The following PIN4 variants were observed in gnomAD, a reference collection of about 807,000 sequenced individuals.
PIN4 encodes peptidylprolyl cis/trans isomerase, NIMA-interacting 4, also known as peptidyl-prolyl cis-trans isomerase NIMA-interacting 4.
In PIN4, 3 loss-of-function variants were observed where a neutral mutation model predicts 8.3. The ratio of observed to expected loss-of-function variants is 0.36; its 90% confidence interval spans 0.16 to 0.93. The LOEUF is 0.93. PIN4 is among the 40% of genes least tolerant of loss of function. The pLI, the probability that PIN4 is intolerant of heterozygous loss-of-function variation, is 0.44. For missense variants in PIN4, 75 were observed against 100.6 expected, an observed-to-expected ratio of 0.75 and a Z score of 1.09; for synonymous variants, 18 against 32.5, an observed-to-expected ratio of 0.55 and a Z score of 1.52.
intron 3 of PIN4, chrX:72,238,947 G>A (rs1207888159): frequency 3.5e-6 from 4 of 1,132,217 alleles, no homozygotes; most frequent in African/African-American, 1.8e-5. Flanking sequence ...CCCGGCGGGA[G>A]TTTGGAGCTT....
intron 3 of PIN4, chrX:72,206,856 T>C (rs2042823602): frequency 8.3e-7 from 1 of 1,210,225 alleles, no homozygotes; most frequent in Non-Finnish European, 1.1e-6. Context: ...GCAGCTGGGT[T>C]ACAGAGTTCT....
intron 3 of PIN4, among the ~76,000 whole-genome samples, chrX:72,225,584 A>G (rs1326076312): frequency 8.9e-6 from 1 of 112,298 alleles, no homozygotes; most frequent in Non-Finnish European, 1.9e-5. Flanking sequence ...TTCCTAAAAC[A>G]AAAAGGGACT....
At chrX:72,194,205 G>A (rs939899762) in intron 2 of PIN4, among the ~76,000 whole-genome samples, 4 of 110,685 alleles carry the variant, frequency 3.6e-5, no homozygotes, top group Non-Finnish European at 5.7e-5. Context: ...TTCGAGACCA[G>A]CCTGATCAAC....
chrX:72,220,256 T>C (rs2042915334), intron 3 of PIN4, among the ~76,000 whole-genome samples: 1 of 111,196 alleles, frequency 9.0e-6, no homozygotes, highest in Non-Finnish European at 1.9e-5. Flanking sequence ...AAAAATGTAA[T>C]AATCATCAAA....
chrX:72,259,724 C>CTTTTT (rs761255706), intron 3 of PIN4, among the ~76,000 whole-genome samples: 7 of 69,053 alleles, frequency 1.0e-4, no homozygotes, highest in African/African-American at 1.8e-4. Flanking sequence ...AGGCCATATC[C>CTTTTT]TTTTTTTTTT....
intron 3 of PIN4, among the ~76,000 whole-genome samples, chrX:72,255,196 GGA>G (rs2043105034): frequency 9.2e-6 from 1 of 108,499 alleles, no homozygotes; most frequent in Admixed American, 9.9e-5. Flanking sequence ...CTTGAGCCCA[GGA>G]GGTCGAGGCT....
intron 1 of PIN4, 46 bp downstream of exon 1, chrX:72,181,874 C>A: frequency 1.3e-6 from 1 of 771,749 alleles, no homozygotes; most frequent in Non-Finnish European, 2.0e-6. Context: ...GGGTGAGGAG[C>A]GAAGGGAGGG....
At chrX:72,182,024 G>A in intron 1 of PIN4, 196 bp downstream of exon 1, 1 of 444,882 alleles carries the variant, frequency 2.2e-6, no homozygotes, top group Non-Finnish European at 4.1e-6. Context: ...AATCTGATGG[G>A]GATAGTTCCT....
In PIN4 at chrX:72,248,397, T is replaced by C. The variant is rs191775886; in HGVS notation, c.313-14310T>C. 1.9e-3 allele frequency among the ~76,000 whole-genome samples: 200 copies of C among 103,681 alleles called. 4 individuals are homozygous for C. Among genetic ancestry groups the C allele is most frequent in the African/African-American group, 6.4e-3 (185 of 28,925 alleles). 90.0% of individuals were successfully genotyped at this position (103,681 alleles called of 115,157 possible). A position where few individuals can be genotyped will look rare whatever the true frequency, so the allele number is the denominator to read the frequency against. ...TGTAGAAATGGGTCAGGCACTAAGGTCAGGTTTTACATGTGGAAAATCTTA... is the reference window on the plus strand; with the variant it reads ...TGTAGAAATGGGTCAGGCACTAAGGCCAGGTTTTACATGTGGAAAATCTTA... On this transcript the variant is annotated intron_variant, in intron 3 of 3. Transcript: ENST00000423432.
At chrX:72,219,188 G>A (rs888888145) in intron 3 of PIN4, among the ~76,000 whole-genome samples, 2 of 111,665 alleles carry the variant, frequency 1.8e-5, no homozygotes, top group Non-Finnish European at 3.8e-5. Context: ...CCCAGGAGGT[G>A]GAGGTTGCAG....
Position 72,205,676 on chromosome X carries a change from C to T in PIN4, c.312+8772C>T, listed in dbSNP as rs752142569. On this transcript the variant is annotated intron_variant, in intron 3 of 3. Coordinates refer to the PIN4 transcript ENST00000423432. ...TCTTTAAAAGAATCATCTTCATCTT[C>T]GCCATCTGAAACAATCCTTCTAGCT... 6 of 1,211,835 alleles carry T rather than the reference C, an allele frequency of 5.0e-6. No homozygotes were observed. In the South Asian group the frequency reaches 7.0e-5, roughly 14 times the overall value.
chrX:72,221,916 C>A (rs1176501197), intron 3 of PIN4, among the ~76,000 whole-genome samples: 3 of 110,147 alleles, frequency 2.7e-5, no homozygotes, highest in Non-Finnish European at 5.7e-5. Flanking sequence ...TCCAAAACCC[C>A]TTCCCTCGAA....
At chrX:72,229,851 A>G (rs1283124623) in intron 3 of PIN4, among the ~76,000 whole-genome samples, 1 of 111,864 alleles carries the variant, frequency 8.9e-6, no homozygotes, top group African/African-American at 3.3e-5. Context: ...GGCTGTTTCA[A>G]CAGAACTACA....
intron 3 of PIN4, among the ~76,000 whole-genome samples, chrX:72,214,816 A>G (rs2042878666): frequency 9.0e-6 from 1 of 111,549 alleles, no homozygotes; most frequent in Admixed American, 9.6e-5. Context: ...GTGGAACACC[A>G]TCTCTACTAA....
chrX:72,194,197 C>G (rs188919855), intron 2 of PIN4, among the ~76,000 whole-genome samples: 1 of 110,122 alleles, frequency 9.1e-6, no homozygotes, highest in Non-Finnish European at 1.9e-5. Context: ...GTCAGGAGTT[C>G]GAGACCAGCC....
At position 72,197,651 on chromosome X, in the gene PIN4, T is replaced by C. The variant is rs749719040; in HGVS notation, c.*125T>C. 45 of 1,068,339 alleles carry C rather than the reference T, an allele frequency of 4.2e-5. No homozygotes were observed. In the African/African-American group the frequency reaches 8.3e-4, roughly 20 times the overall value. The allele number at this position is 1,068,339 out of a possible 1,213,427, so 88.0% of individuals were successfully genotyped here. ...AAAAAGAAAAGATATTGGATGCTCC[T>C]TGTATTCTGTGAAAGCTCTAAGTAT... On this transcript the variant is annotated 3_prime_UTR_variant, in exon 4 of 4. Coordinates refer to ENST00000373669, the MANE Select transcript of PIN4 (RefSeq NM_006223.4).
chrX:72,227,637 C>T (rs1019747839), intron 3 of PIN4, among the ~76,000 whole-genome samples: 1 of 111,284 alleles, frequency 9.0e-6, no homozygotes, highest in Admixed American at 9.6e-5. Context: ...CAAATACCTG[C>T]CACAACCCAT....
downstream of PIN4, among the ~76,000 whole-genome samples, chrX:72,199,250 C>A (rs2042780836): frequency 8.9e-6 from 1 of 111,880 alleles, no homozygotes; most frequent in Non-Finnish European, 1.9e-5. Flanking sequence ...AACAATGTCT[C>A]TAGGCTGGGC....
At chrX:72,206,212 G>A in intron 3 of PIN4, 2 of 1,211,077 alleles carry the variant, frequency 1.7e-6, no homozygotes, top group Non-Finnish European at 2.2e-6. Context: ...CTCTTGCTTA[G>A]GCCCCTCTTG....
Sources: gnomAD v4.1 joint callset for allele counts (sites outside exome capture counted in the v4.1 genomes callset) on GRCh38, gnomAD v4.1.1 for gene constraint, MANE v1.5 for transcripts, NCBI Gene and HGNC (gene_info 2026-07-23, HGNC 2026-07-21) for gene names.